Variants in FRMD4A observed in about 807,000 individuals in gnomAD.
The protein encoded by FRMD4A is FERM domain containing 4A.
FRMD4A carries 29 observed loss-of-function variants against 129.1 expected under a neutral mutation model. The observed-to-expected ratio is 0.22, with a 90% CI of 0.17 to 0.31. FRMD4A has a LOEUF of 0.31. Ranked by LOEUF, FRMD4A falls within the 10% of genes least tolerant of loss-of-function variation. FRMD4A has a pLI of 1.00. For missense variants in FRMD4A, 1,272 were observed against 1,375.8 expected (o/e 0.92, Z 1.19); for synonymous variants, 634 against 571.6 (o/e 1.11, Z -1.56).
In FRMD4A at chr10:13,821,379, G is replaced by C. The variant is rs969290318; in HGVS notation, c.112-10471C>G. Among the ~76,000 whole-genome samples, 8 of 152,132 alleles carry C rather than the reference G, an allele frequency of 5.3e-5. No homozygotes were observed. Among genetic ancestry groups the C allele is most frequent in the African/African-American group, 1.9e-4 (8 of 41,428 alleles). ...TCTCAGGCACCCAGAACAGGTAGGA[G>C]AGACCCCGAAGCCAAGATCAGAGAC... is the stretch of plus-strand genomic sequence containing the variant. On this transcript the variant is annotated intron_variant, in intron 3 of 24. Coordinates refer to ENST00000357447, the MANE Select transcript of FRMD4A (RefSeq NM_018027.5). The surrounding 1 kb of genome is among the most constrained non-coding windows in gnomAD (Gnocchi z 4.3).
At chr10:13,924,860 C>T (rs183343374) in intron 2 of FRMD4A, among the ~76,000 whole-genome samples, 20 of 151,926 alleles carry the variant, frequency 1.3e-4, no homozygotes, top group Admixed American at 2.6e-4. Context: ...GTCAGGAGTT[C>T]GAGACCAGCC....
rs566968488 is a variant in FRMD4A, at chr10:14,102,264, C to T, written c.45+227794G>A. On this transcript the variant is annotated intron_variant, in intron 2 of 24. Transcript: ENST00000357447. ...GCACTGGGCCAGACACGGTGACTCA[C>T]GCCTGTAATCCCAGTACCTCGGGAG... Among the ~76,000 whole-genome samples, 40 of 152,284 alleles carry T rather than the reference C, an allele frequency of 2.6e-4. No individual in the cohort carries two copies. The South Asian group carries it at 3.5e-3, about 13-fold the overall frequency.
At chr10:13,960,313 G>T (rs1240954650) in intron 2 of FRMD4A, among the ~76,000 whole-genome samples, 1 of 152,234 alleles carries the variant, frequency 6.6e-6, no homozygotes, top group African/African-American at 2.4e-5. Context: ...TTTGGAAACA[G>T]ACGCTTTAAT....
In FRMD4A at chr10:13,654,441, G is replaced by C. The variant is rs776441796; in HGVS notation, c.3025C>G (p.His1009Asp). The C allele has an allele frequency of 6.2e-7, 1 of 1,612,080 alleles. No homozygotes were observed. The highest frequency in any genetic ancestry group is 1.1e-5 in the South Asian group (1 of 91,034). Reference sequence around the variant, plus strand: ...CCAGTCTGCCAGGTTAGGATGTGGTGGGGGCTGCTTGGGGGGGTGGCTCCA... The same window carrying C: ...CCAGTCTGCCAGGTTAGGATGTGGTCGGGGCTGCTTGGGGGGGTGGCTCCA... ...EIGATPPSSP[H>D]HILTWQTGEA... Residue 1009 changes from histidine to aspartate, a missense_variant, in exon 23 of 25, where the codon CAC becomes GAC. By Grantham distance (81) the His-to-Asp change is moderately conservative (BLOSUM62 -1). This residue lies in a region of FRMD4A where 972 missense variants were observed against 892.3 expected (regional missense o/e 1.09). Coordinates refer to ENST00000357447, the MANE Select transcript of FRMD4A (RefSeq NM_018027.5).
At chr10:14,213,215 G>GC (rs1304756015) in intron 2 of FRMD4A, among the ~76,000 whole-genome samples, 2 of 152,150 alleles carry the variant, frequency 1.3e-5, no homozygotes, top group African/African-American at 4.8e-5. Flanking sequence ...CCACACTCCA[G>GC]CCTGAGTGAC....
chr10:13,927,252 C>CA (rs56034094), intron 2 of FRMD4A, among the ~76,000 whole-genome samples: 120,201 of 149,242 alleles, frequency 0.81, 48,434 homozygotes, highest in Middle Eastern at 0.85. Flanking sequence ...GACTCCGTCT[C>CA]AAAAAAAAAG....
intron 2 of FRMD4A, among the ~76,000 whole-genome samples, chr10:14,118,584 A>C (rs1176224716): frequency 6.6e-6 from 1 of 152,214 alleles, no homozygotes; most frequent in Non-Finnish European, 1.5e-5. Context: ...TATGAAGAAA[A>C]GAGGTTTAAT....
In FRMD4A at chr10:13,859,603, G is replaced by A. The variant is rs557413580; in HGVS notation, c.46-691C>T. Among the ~76,000 whole-genome samples, 10 of 152,154 alleles carry A rather than the reference G, an allele frequency of 6.6e-5. No homozygotes were observed. The East Asian group carries it at 7.7e-4, about 12-fold the overall frequency. On this transcript the variant is annotated intron_variant, in intron 2 of 24. Coordinates refer to ENST00000357447, the MANE Select transcript of FRMD4A (RefSeq NM_018027.5). ...ATTCTTCCATTCAATAATTGTACCCGCATGCATTAGGGACACAGCTCAGGA... is the reference window on the plus strand; with the variant it reads ...ATTCTTCCATTCAATAATTGTACCCACATGCATTAGGGACACAGCTCAGGA...
At chr10:13,950,312 T>C (rs2095362648) in intron 2 of FRMD4A, among the ~76,000 whole-genome samples, 1 of 152,242 alleles carries the variant, frequency 6.6e-6, no homozygotes. Flanking sequence ...CATCTTGATC[T>C]GTAACTCAAG....
chr10:14,132,299 AC>A (rs1839302289), intron 2 of FRMD4A, among the ~76,000 whole-genome samples: 1 of 152,112 alleles, frequency 6.6e-6, no homozygotes, highest in African/African-American at 2.4e-5. Flanking sequence ...AAAAACAAAA[AC>A]AAACCGAAAA....
chr10:14,314,935 G>A (rs1248408587), intron 2 of FRMD4A, among the ~76,000 whole-genome samples: 7 of 138,428 alleles, frequency 5.1e-5, no homozygotes, highest in Non-Finnish European at 9.3e-5. Context: ...TGTGATTGGC[G>A]AATCTTATAT....
intron 2 of FRMD4A, among the ~76,000 whole-genome samples, chr10:14,115,983 G>T (rs1838178082): frequency 6.6e-6 from 1 of 152,236 alleles, no homozygotes; most frequent in African/African-American, 2.4e-5. Context: ...TCTGAAAGAA[G>T]CATTGCCCAT....
At chr10:14,236,565 G>C (rs116620557) in intron 2 of FRMD4A, among the ~76,000 whole-genome samples, 1 of 152,160 alleles carries the variant, frequency 6.6e-6, no homozygotes, top group Admixed American at 6.5e-5. Flanking sequence ...GCCAGGGTGC[G>C]CTGCCTCTGT....
At chr10:14,075,659 T>G (rs911224965) in intron 2 of FRMD4A, among the ~76,000 whole-genome samples, 20 of 152,230 alleles carry the variant, frequency 1.3e-4, no homozygotes, top group African/African-American at 3.6e-4. Context: ...TATAAGCATG[T>G]GTGGGTATAA....
In FRMD4A at chr10:13,715,076, C is replaced by T. The variant is rs143874989; in HGVS notation, c.760-7963G>A. Among the ~76,000 whole-genome samples, 277 of 152,160 alleles carry T rather than the reference C, an allele frequency of 1.8e-3. 1 individual carries two copies. Among genetic ancestry groups the T allele is most frequent in the African/African-American group, 6.4e-3 (266 of 41,508 alleles). ...TTAAAAAAAAAAATTAGAAGTGCCGCGCTGCCTCATTCACATATATCTCAT... is the reference window on the plus strand; with the variant it reads ...TTAAAAAAAAAAATTAGAAGTGCCGTGCTGCCTCATTCACATATATCTCAT... On this transcript the variant is annotated intron_variant, in intron 12 of 24. Coordinates refer to ENST00000357447, the MANE Select transcript of FRMD4A (RefSeq NM_018027.5).
chr10:14,114,059 G>A (rs1322584483), intron 2 of FRMD4A, among the ~76,000 whole-genome samples: 1 of 152,184 alleles, frequency 6.6e-6, no homozygotes, highest in Admixed American at 6.5e-5. Context: ...TCAAGCACAC[G>A]TACTTGTGGG....
intron 2 of FRMD4A, among the ~76,000 whole-genome samples, chr10:14,061,762 T>A (rs1834825959): frequency 6.6e-6 from 1 of 152,310 alleles, no homozygotes; most frequent in Non-Finnish European, 1.5e-5. Context: ...ATGGGCATTG[T>A]CACGTGGTAC....
chr10:13,841,985 G>C (rs144890727), intron 3 of FRMD4A, among the ~76,000 whole-genome samples: 103 of 152,216 alleles, frequency 6.8e-4, no homozygotes, highest in African/African-American at 2.5e-3. Flanking sequence ...GAATTGCACC[G>C]CGATATTACA....
chr10:13,954,295 C>T (rs1225789311), intron 2 of FRMD4A, among the ~76,000 whole-genome samples: 2 of 152,174 alleles, frequency 1.3e-5, no homozygotes, highest in Non-Finnish European at 2.9e-5. Context: ...GTTTAATGGA[C>T]TCACGGTTTC....
Sources: gnomAD v4.1 joint callset for allele counts (sites outside exome capture counted in the v4.1 genomes callset) on GRCh38, gnomAD v4.1.1 for gene constraint, gnomAD v4.1.1 regional missense constraint, Gnocchi (gnomAD v3.1) non-coding constraint, MANE v1.5 for transcripts, NCBI Gene and HGNC (gene_info 2026-07-23, HGNC 2026-07-21) for gene names.